The following CPQ variants were observed in gnomAD, a reference collection of about 807,000 sequenced individuals.
CPQ encodes Ser-Met dipeptidase.
CPQ carries 37 observed loss-of-function variants against 45.7 expected under a neutral mutation model. That is an observed-to-expected ratio of 0.81 (90% confidence interval 0.62 to 1.07). The LOEUF (loss-of-function observed/expected upper bound fraction) is 1.07, where lower values mean the gene tolerates loss of function less well. Ranked by LOEUF, CPQ falls within the 50% of genes least tolerant of loss-of-function variation. The pLI is 0.00. For missense variants in CPQ, 537 were observed against 572.9 expected (o/e 0.94, Z 0.64); for synonymous variants, 186 against 205.8 (o/e 0.90, Z 0.82).
chr8:97,123,105 A>T (rs867602888), intron 7 of CPQ, among the ~76,000 whole-genome samples: 74 of 92,858 alleles, frequency 8.0e-4, no homozygotes, highest in African/African-American at 1.5e-3. Context: ...TAAAATAAAT[A>T]AAATAAAATA....
intron 1 of CPQ, among the ~76,000 whole-genome samples, chr8:96,737,254 C>CACAA (rs1554561400): frequency 4.1e-4 from 51 of 124,810 alleles, no homozygotes; most frequent in African/African-American, 1.4e-3. Context: ...CACACACACA[C>CACAA]AAAAAAAAAC....
chr8:96,990,126 C>A (rs1809063210), intron 5 of CPQ, among the ~76,000 whole-genome samples: 1 of 152,156 alleles, frequency 6.6e-6, no homozygotes, highest in Admixed American at 6.5e-5. Flanking sequence ...TCCTCCAACT[C>A]CTCTGCTCAG....
intron 1 of CPQ, chr8:96,760,852 A>G (rs1386316719): frequency 6.6e-6 from 1 of 152,188 alleles, no homozygotes; most frequent in Non-Finnish European, 1.5e-5. Context: ...GCCTTGCCTT[A>G]TATAGTCAGT....
intron 1 of CPQ, among the ~76,000 whole-genome samples, chr8:96,768,997 A>G (rs1810505682): frequency 6.6e-6 from 1 of 152,210 alleles, no homozygotes. Flanking sequence ...GTAACCCATT[A>G]TTGCTGCATA....
intron 1 of CPQ, among the ~76,000 whole-genome samples, chr8:96,756,705 T>C (rs1335387516): frequency 6.6e-6 from 1 of 152,208 alleles, no homozygotes; most frequent in African/African-American, 2.4e-5. Flanking sequence ...TGGGTTTAAT[T>C]GCCTTTTTTC....
At chr8:96,934,452 G>A (rs914177551) in intron 4 of CPQ, among the ~76,000 whole-genome samples, 10 of 152,122 alleles carry the variant, frequency 6.6e-5, no homozygotes, top group Admixed American at 5.2e-4. Context: ...TATGTCAGCC[G>A]CTTCCCTCAT....
chr8:96,866,037 A>G (rs1330991624), intron 3 of CPQ, among the ~76,000 whole-genome samples: 2 of 152,072 alleles, frequency 1.3e-5, no homozygotes, highest in African/African-American at 4.8e-5. Context: ...CAGAAATTGC[A>G]TTGGTTTTGG....
At chr8:96,838,451 A>G (rs1234215100) in intron 3 of CPQ, among the ~76,000 whole-genome samples, 2 of 152,124 alleles carry the variant, frequency 1.3e-5, no homozygotes, top group African/African-American at 2.4e-5. Flanking sequence ...GAGATTTTCC[A>G]TGGTTATCCA....
intron 2 of CPQ, among the ~76,000 whole-genome samples, chr8:96,812,453 T>G: frequency 6.6e-6 from 1 of 152,200 alleles, no homozygotes; most frequent in East Asian, 1.9e-4. Flanking sequence ...TGTATGTCTC[T>G]TGCCCCATGC....
At chr8:96,919,473 A>G (rs906266482) in intron 4 of CPQ, among the ~76,000 whole-genome samples, 2 of 152,110 alleles carry the variant, frequency 1.3e-5, no homozygotes, top group African/African-American at 4.8e-5. Flanking sequence ...ACTTACTTAA[A>G]TCTAAGAATT....
intron 1 of CPQ, among the ~76,000 whole-genome samples, chr8:96,659,023 A>T (rs889778432): frequency 2.0e-5 from 3 of 152,246 alleles, no homozygotes; most frequent in Non-Finnish European, 4.4e-5. Flanking sequence ...ATGCACCGCC[A>T]TATGGGGTTG....
At chr8:96,701,311 G>T (rs763750165) in intron 1 of CPQ, among the ~76,000 whole-genome samples, 1 of 152,090 alleles carries the variant, frequency 6.6e-6, no homozygotes, top group African/African-American at 2.4e-5. Flanking sequence ...TCTAGGAAGC[G>T]TCTAGTGTGA....
At chr8:97,047,778 C>G (rs2130501688) in intron 6 of CPQ, among the ~76,000 whole-genome samples, 1 of 152,240 alleles carries the variant, frequency 6.6e-6, no homozygotes, top group African/African-American at 2.4e-5. Flanking sequence ...ATATGAAAAA[C>G]TGTTTCTAAT....
intron 5 of CPQ, among the ~76,000 whole-genome samples, chr8:96,985,426 T>C (rs1227511876): frequency 6.6e-6 from 1 of 152,214 alleles, no homozygotes; most frequent in African/African-American, 2.4e-5. Context: ...TCTCTTCAAC[T>C]TGCTTTACAA....
At chr8:96,977,553 G>A (rs1813810724) in intron 5 of CPQ, among the ~76,000 whole-genome samples, 1 of 152,140 alleles carries the variant, frequency 6.6e-6, no homozygotes. Context: ...GTTTATAGCA[G>A]CATGATTTGC....
intron 3 of CPQ, among the ~76,000 whole-genome samples, chr8:96,854,558 A>AAAAC: frequency 2.2e-5 from 1 of 46,418 alleles, no homozygotes; most frequent in African/African-American, 7.4e-5. Flanking sequence ...AAAAAAAAAA[A>AAAAC]ATGTGGTGGA....
chr8:96,877,285 A>G (rs1363422166), intron 3 of CPQ, among the ~76,000 whole-genome samples: 1 of 152,210 alleles, frequency 6.6e-6, no homozygotes, highest in African/African-American at 2.4e-5. Context: ...CTTAAATTAA[A>G]ATTAGAAGAT....
intron 5 of CPQ, among the ~76,000 whole-genome samples, chr8:97,003,458 C>T (rs1480363428): frequency 6.6e-6 from 1 of 152,064 alleles, no homozygotes; most frequent in Non-Finnish European, 1.5e-5. Flanking sequence ...TAGGACCCCA[C>T]ACACTATAAG....
At chr8:96,725,589 G>A (rs1392503560) in intron 1 of CPQ, among the ~76,000 whole-genome samples, 1 of 152,132 alleles carries the variant, frequency 6.6e-6, no homozygotes, top group Non-Finnish European at 1.5e-5. Context: ...AATAACAGAT[G>A]CTGGTGAGGC....
Sources: allele counts gnomAD v4.1 joint callset (sites outside exome capture counted in the v4.1 genomes callset), GRCh38; gene constraint gnomAD v4.1.1; transcripts MANE v1.5; gene names NCBI Gene and HGNC (gene_info 2026-07-23, HGNC 2026-07-21).